Variants in EPS8L1 observed in about 807,000 individuals in gnomAD.
The protein encoded by EPS8L1 is EPS8 signaling adaptor L1.
EPS8L1 carries 101 observed loss-of-function variants against 91.7 expected under a neutral mutation model. The ratio of observed to expected loss-of-function variants is 1.10; its 90% confidence interval spans 0.94 to 1.30. The LOEUF (loss-of-function observed/expected upper bound fraction) is 1.30, where lower values mean the gene tolerates loss of function less well. EPS8L1 is among the 50% of genes most tolerant of loss of function. The probability of loss-of-function intolerance (pLI) is 0.00; values close to 1 mark genes in which losing one functional copy is unlikely to be tolerated. For synonymous variants in EPS8L1, 506 were observed against 445.3 expected (o/e 1.14, Z -1.72); for missense variants, 1,114 against 1,017.0 (o/e 1.10, Z -1.30).
rs761622283 is a variant in EPS8L1 at position 55,083,484 on chromosome 19, G to C, written c.1321G>C (p.Glu441Gln). 1.2e-6 allele frequency: 2 copies of C among 1,612,396 alleles called. No homozygotes were observed. The highest frequency in any genetic ancestry group is 2.2e-5 in the East Asian group (1 of 44,832). Reference sequence around the variant, plus strand: ...GAGCCGCGCCTGGGAGGACCCAGTTGAGAAACAGCTACAGCACGAGCGGAG... The same window carrying C: ...GAGCCGCGCCTGGGAGGACCCAGTTCAGAAACAGCTACAGCACGAGCGGAG... ...PQSRAWEDPV[E>Q]KQLQHERRRR... Residue 441 changes from glutamate (E) to glutamine (Q), a missense_variant, in exon 13 of 20, where the codon GAG (glutamate) becomes CAG (glutamine). Physicochemically the swap from Glu to Gln is conservative, Grantham distance 29. Transcript: ENST00000201647. This position sits in a 1 kb window ranked among gnomAD's most constrained non-coding sequence, Gnocchi z 4.7.
At position 55,083,730 on chromosome 19, in the gene EPS8L1, T is replaced by C. The variant is rs2076323078; in HGVS notation, c.1385+86T>C. On this transcript the variant is annotated intron_variant, in intron 14 of 19. Coordinates refer to ENST00000201647, the MANE Select transcript of EPS8L1 (RefSeq NM_133180.3). The surrounding 1 kb of genome is among the most constrained non-coding windows in gnomAD (Gnocchi z 4.7). ...CGATGCTGACTCCGCCCCCTTTTTT[T>C]CTGTGTTTTTCCTTCTGTCTTCCTG... 2 of 1,534,216 alleles carry C rather than the reference T, an allele frequency of 1.3e-6. No individual in the cohort carries two copies. Among genetic ancestry groups the C allele is most frequent in the African/African-American group, 1.4e-5 (1 of 72,862 alleles).
intron 2 of EPS8L1, among the ~76,000 whole-genome samples, 198 bp from the exon 3 acceptor site, chr19:55,077,890 C>A (rs2076162201): frequency 6.7e-6 from 1 of 150,042 alleles, no homozygotes; most frequent in Admixed American, 6.7e-5. Context: ...CCCAGCCTAC[C>A]TGTCTTCTTA....
At chr19:55,084,893 TC>T (rs1359998508) in intron 14 of EPS8L1, among the ~76,000 whole-genome samples, 2 of 152,136 alleles carry the variant, frequency 1.3e-5, no homozygotes, top group Non-Finnish European at 2.9e-5. Flanking sequence ...CAAGTTCAAG[TC>T]CAGCTGCCTG....
chr19:55,078,427 G>T, intron 3 of EPS8L1, among the ~76,000 whole-genome samples: 1 of 20,964 alleles, frequency 4.8e-5, no homozygotes, highest in East Asian at 1.2e-3. Flanking sequence ...CTGGGTCAGA[G>T]GGAAGAGGGG....
rs149098740 is a variant in EPS8L1 at position 55,085,879 on chromosome 19, A to C, written c.1424A>C (p.Glu475Ala). Residue 475 changes from glutamate (E) to alanine (A), a missense_variant, in exon 15 of 20, where the codon GAG becomes GCG. Physicochemically the swap from Glu to Ala is moderately radical, Grantham distance 107. Transcript: ENST00000201647. ...DLEPESEPQLESETAGKWVLC... is the reference protein window; with the variant it reads ...DLEPESEPQLASETAGKWVLC... ...GAGCCAGAATCTGAGCCTCAGCTGGAGTCAGAGACAGCAGGAAAATGGGTC... is the reference window on the plus strand; with the variant it reads ...GAGCCAGAATCTGAGCCTCAGCTGGCGTCAGAGACAGCAGGAAAATGGGTC... The C allele has an allele frequency of 1.9e-6, 3 of 1,613,014 alleles. No homozygotes were observed. In the African/African-American group the frequency reaches 4.0e-5, roughly 22 times the overall value.
In EPS8L1 at chr19:55,080,126, C is replaced by T; in HGVS notation, c.280-3C>T. The T allele has an allele frequency of 2.0e-6, 3 of 1,484,690 alleles. No individual in the cohort carries two copies. The highest frequency in any genetic ancestry group is 2.7e-6 in the Non-Finnish European group (3 of 1,112,370). 92.0% of individuals were successfully genotyped at this position (1,484,690 alleles called of 1,614,324 possible). ...CAGTTTACCCCGCCATCCCACCCGGCAGGAGGAGCTGGAGTCGTACCCACT... is the reference window on the plus strand; with the variant it reads ...CAGTTTACCCCGCCATCCCACCCGGTAGGAGGAGCTGGAGTCGTACCCACT... On this transcript the variant is annotated splice_region_variant and splice_polypyrimidine_tract_variant and intron_variant, in intron 5 of 19. Transcript: ENST00000201647.
intron 3 of EPS8L1, 38 bp from the exon 4 acceptor site, chr19:55,078,961 C>T: frequency 6.2e-7 from 1 of 1,607,694 alleles, no homozygotes; most frequent in Non-Finnish European, 8.5e-7. Context: ...AGGGGCTGGG[C>T]CTGGACTCCC....
At chr19:55,078,016 T>C (rs79473534) in intron 2 of EPS8L1, 72 bp from the exon 3 acceptor site, 114,049 of 1,412,250 alleles carry the variant, frequency 0.081, 5,527 homozygotes, top group Non-Finnish European at 0.096. Context: ...AAGCCCTTGC[T>C]GCCCTGCTTG....
intron 14 of EPS8L1, chr19:55,084,239 C>T (rs948259215): frequency 1.2e-5 from 2 of 167,986 alleles, no homozygotes; most frequent in Admixed American, 1.1e-4. Context: ...TCCAGAGGCT[C>T]TAATGCAATT....
In EPS8L1 at chr19:55,081,931, C is replaced by T. The variant is rs781191908; in HGVS notation, c.901+32C>T. On this transcript the variant is annotated intron_variant, in intron 9 of 19. Transcript: ENST00000201647. This position sits in a 1 kb window ranked among gnomAD's most constrained non-coding sequence, Gnocchi z 4.9. Reference sequence around the variant, plus strand: ...GGCACCCTGGCGTGGGATCTGAACCCCCTCCCGATCTCTTCCAAATGTCCC... The same window carrying T: ...GGCACCCTGGCGTGGGATCTGAACCTCCTCCCGATCTCTTCCAAATGTCCC... 1 of 1,596,176 alleles carries T rather than the reference C, an allele frequency of 6.3e-7. No individual in the cohort carries two copies. The highest frequency in any genetic ancestry group is 8.5e-7 in the Non-Finnish European group (1 of 1,170,608).
In EPS8L1 at chr19:55,087,189, C is replaced by T. The variant is rs1273256753; in HGVS notation, c.1953-114C>T. The T allele has an allele frequency of 3.5e-6, 5 of 1,436,574 alleles. No homozygotes were observed. The African/African-American group carries it at 5.7e-5, about 16-fold the overall frequency. The allele number at this position is 1,436,574 out of a possible 1,614,324, so 89.0% of individuals were successfully genotyped here. The stretch of plus-strand genomic sequence containing the variant: ...GTTCAGGAGGTGTCGGGCCTGCCCC[C>T]GCTAGAGCTAGAATGCTGTTCTGAT... On this transcript the variant is annotated intron_variant, in intron 18 of 19. Coordinates refer to ENST00000201647, the MANE Select transcript of EPS8L1 (RefSeq NM_133180.3).
chr19:55,079,954 C>CT, intron 5 of EPS8L1, 103 bp downstream of exon 5: 1 of 1,458,330 alleles, frequency 6.9e-7, no homozygotes, highest in Non-Finnish European at 9.1e-7. Context: ...GGAACTCTGG[C>CT]GAGGGACCCC....
rs1300354902 is a variant in EPS8L1, at chr19:55,080,292, C to T, written c.429+14C>T. 12 of 1,534,632 alleles carry T rather than the reference C, an allele frequency of 7.8e-6. No homozygotes were observed. The highest frequency in any genetic ancestry group is 7.0e-6 in the Non-Finnish European group (8 of 1,138,656). On this transcript the variant is annotated intron_variant, in intron 6 of 19. Coordinates refer to ENST00000201647, the MANE Select transcript of EPS8L1 (RefSeq NM_133180.3). ...CTGCGCCTCGGGGTGAGCAGATGGGCTGGCTCTGGGGGTGGAGCTGGAACT... is the reference window on the plus strand; with the variant it reads ...CTGCGCCTCGGGGTGAGCAGATGGGTTGGCTCTGGGGGTGGAGCTGGAACT...
chr19:55,079,089 T>A (rs1300820268), intron 4 of EPS8L1, 32 bp downstream of exon 4: 1 of 1,612,166 alleles, frequency 6.2e-7, no homozygotes, highest in Non-Finnish European at 8.5e-7. Flanking sequence ...CCCCAGGACA[T>A]CTTCTGGGGC....
chr19:55,076,379 C>T (rs1568770931), intron 1 of EPS8L1, 29 bp from the exon 2 acceptor site: 1 of 1,599,082 alleles, frequency 6.3e-7, no homozygotes, highest in African/African-American at 1.3e-5. Flanking sequence ...TCCTACTGGC[C>T]AGGCCTTCAC....
In EPS8L1 at chr19:55,086,405, C is replaced by T; in HGVS notation, c.1664C>T (p.Pro555Leu). ...SPARSLNSTP[P>L]PPPAPAPAPP... ...CCTTCCTTTCAGAACAGCACTCCTCCTCCACCACCAGCCCCAGCCCCGGCC... is the reference window on the plus strand; with the variant it reads ...CCTTCCTTTCAGAACAGCACTCCTCTTCCACCACCAGCCCCAGCCCCGGCC... Residue 555 changes from proline to leucine, a missense_variant, in exon 17 of 20, where the codon CCT (proline) becomes CTT (leucine). Transcript: ENST00000201647. 6.4e-7 allele frequency: 1 copy of T among 1,571,380 alleles called. No individual in the cohort carries two copies. Among genetic ancestry groups the T allele is most frequent in the South Asian group, 1.2e-5 (1 of 86,062 alleles).
At position 55,079,782 on chromosome 19, in the gene EPS8L1, A is replaced by G. The variant is rs2076214126; in HGVS notation, c.210A>G (p.Arg70=). The change falls in exon 5 of 20, where the codon CGA becomes CGG. Residue 70 remains arginine (R), a synonymous_variant. Transcript: ENST00000201647. The stretch of plus-strand genomic sequence containing the variant: ...TGGCCGTCATGGATAGCCAGGGCCG[A>G]GTCTGGGCACAGGAGATGCTGCTGC... The part of the protein sequence containing the change: ...RKLAVMDSQG[R]VWAQEMLLRV... 12 of 1,613,948 alleles carry G rather than the reference A, an allele frequency of 7.4e-6. No individual in the cohort carries two copies. The highest frequency in any genetic ancestry group is 1.0e-5 in the Non-Finnish European group (12 of 1,180,012).
Position 55,083,859 on chromosome 19 carries a change from G to A in EPS8L1, c.1385+215G>A. ...GACCCAGACTTCTGGGGCTAAGGGA[G>A]TTGGGAATGGAGACCCGGATTCCTG... On this transcript the variant is annotated intron_variant, in intron 14 of 19. Transcript: ENST00000201647. The surrounding 1 kb of genome is among the most constrained non-coding windows in gnomAD (Gnocchi z 4.7). 1.4e-6 allele frequency: 1 copy of A among 716,016 alleles called. No homozygotes were observed. Among genetic ancestry groups the A allele is most frequent in the Non-Finnish European group, 2.4e-6 (1 of 418,610 alleles). 44.4% of individuals were successfully genotyped at this position (716,016 alleles called of 1,614,324 possible).
In EPS8L1 at chr19:55,087,826, A is replaced by C. The variant is rs1319520326; in HGVS notation, c.*212A>C. ...CTGGGAGTGGGGAGGGCGTGGAGAC[A>C]GTCTACGGAAAGCGCTAGCAGACCC... is the stretch of plus-strand genomic sequence containing the variant. On this transcript the variant is annotated 3_prime_UTR_variant, in exon 20 of 20. Coordinates refer to ENST00000201647, the MANE Select transcript of EPS8L1 (RefSeq NM_133180.3). 6 of 591,806 alleles carry C rather than the reference A, an allele frequency of 1.0e-5. No homozygotes were observed. The highest frequency in any genetic ancestry group is 1.9e-5 in the African/African-American group (1 of 53,536). The allele number at this position is 591,806 out of a possible 1,614,324, so 36.7% of individuals were successfully genotyped here.
Sources: gnomAD v4.1 joint callset for allele counts (sites outside exome capture counted in the v4.1 genomes callset) on GRCh38, gnomAD v4.1.1 for gene constraint, Gnocchi (gnomAD v3.1) non-coding constraint, MANE v1.5 for transcripts, NCBI Gene and HGNC (gene_info 2026-07-23, HGNC 2026-07-21) for gene names.